Variants in NAV1 observed in about 807,000 individuals in gnomAD.
NAV1 encodes pore membrane and/or filament interacting like protein 3.
Under a neutral mutation model 175.2 loss-of-function variants are expected in NAV1, and 18 were observed. The ratio of observed to expected loss-of-function variants is 0.10; its 90% CI spans 0.07 to 0.15. NAV1 has a LOEUF of 0.15. Ranked by LOEUF, NAV1 falls within the 10% of genes least tolerant of loss-of-function variation. The pLI is 1.00. For missense variants in NAV1, 1,731 were observed against 2,436.6 expected (o/e 0.71, Z 6.10); for synonymous variants, 897 against 978.7 (o/e 0.92, Z 1.56).
At chr1:201,574,325 A>G (rs984617257) in intron 1 of NAV1, among the ~76,000 whole-genome samples, 3 of 152,230 alleles carry the variant, frequency 2.0e-5, no homozygotes, top group Non-Finnish European at 4.4e-5. Flanking sequence ...TTCTCTGGAG[A>G]GATCCAAGAT....
upstream of NAV1, among the ~76,000 whole-genome samples, chr1:201,622,472 C>T (rs1200127000): frequency 6.6e-6 from 1 of 152,098 alleles, no homozygotes; most frequent in Non-Finnish European, 1.5e-5. Flanking sequence ...GTGTGGAGGA[C>T]ATTCTAGACT....
intron 4 of NAV1, 30 bp downstream of exon 8, chr1:201,780,589 C>A: frequency 6.2e-7 from 1 of 1,613,914 alleles, no homozygotes; most frequent in Non-Finnish European, 8.5e-7. Flanking sequence ...CCCAAGCTGC[C>A]ATCTCAAGAT....
chr1:201,551,701 A>G (rs1193379506), intron 1 of NAV1, among the ~76,000 whole-genome samples: 1 of 152,068 alleles, frequency 6.6e-6, no homozygotes, highest in Non-Finnish European at 1.5e-5. Context: ...CAATTTTATC[A>G]CTTCTGCTCA....
chr1:201,765,577 TA>T lies in NAV1; in HGVS notation c.1227-14843del, dbSNP rs1675165729. ...ACCTAGCTAATTTTTTGTATTTTAGTAGAGACGGGGTTTCACCATGTTGCCC... is the reference window on the plus strand; with the variant it reads ...ACCTAGCTAATTTTTTGTATTTTAGTGAGACGGGGTTTCACCATGTTGCCC... On this transcript the variant is annotated intron_variant, in intron 3 of 29. Coordinates refer to ENST00000367296, the Ensembl canonical transcript of NAV1. Among the ~76,000 whole-genome samples, 12 of 152,078 alleles carry T rather than the reference TA, an allele frequency of 7.9e-5. 1 individual carries two copies. The Middle Eastern group carries it at 0.01, about 129-fold the overall frequency.
Position 201,812,732 on chromosome 1 carries a change from G to A in NAV1, c.5221+71G>A. The A allele has an allele frequency of 7.3e-7, 1 of 1,364,082 alleles. No individual in the cohort carries two copies. The allele number at this position is 1,364,082 out of a possible 1,614,324, so 84.5% of individuals were successfully genotyped here. ...TTTCCACTGTACCACCTGGAGGGATGCTCCCTTCTCTTCCTGGAGTCTTCG... is the reference window on the plus strand; with the variant it reads ...TTTCCACTGTACCACCTGGAGGGATACTCCCTTCTCTTCCTGGAGTCTTCG... On this transcript the variant is annotated intron_variant, in intron 27 of 29. Coordinates refer to ENST00000367296, the Ensembl canonical transcript of NAV1. This position sits in a 1 kb window ranked among gnomAD's most constrained non-coding sequence, Gnocchi z 4.6.
At position 201,660,151 on chromosome 1, in the gene NAV1, C is replaced by A. The variant is rs561704953; in HGVS notation, c.757+10726C>A. ...TCATCCTGCCCATGACTGCAGCACC[C>A]GGGAAAGAGAGTCACAACAGCAGGG... On this transcript the variant is annotated intron_variant, in intron 1 of 29. Coordinates refer to ENST00000367296, the Ensembl canonical transcript of NAV1. Among the ~76,000 whole-genome samples, 5 of 152,246 alleles carry A rather than the reference C, an allele frequency of 3.3e-5. No homozygotes were observed. The East Asian group carries it at 7.7e-4, about 24-fold the overall frequency.
chr1:201,695,125 G>A (rs1298592133), intron 1 of NAV1, among the ~76,000 whole-genome samples: 7 of 152,206 alleles, frequency 4.6e-5, no homozygotes, highest in Non-Finnish European at 1.0e-4. Context: ...AAGTTGCCCC[G>A]GGACCAGCCT....
At chr1:201,591,531 G>A (rs181029084) in intron 2 of NAV1, among the ~76,000 whole-genome samples, 1 of 152,276 alleles carries the variant, frequency 6.6e-6, no homozygotes, top group Non-Finnish European at 1.5e-5. Flanking sequence ...ATAGAAGGAG[G>A]GTGTGAGGAG....
chr1:201,688,242 T>G (rs1446506946), intron 1 of NAV1: 2 of 151,980 alleles, frequency 1.3e-5, no homozygotes, highest in African/African-American at 4.8e-5. Context: ...CTTGGTGGGG[T>G]GAGGGTGGTT....
intron 1 of NAV1, among the ~76,000 whole-genome samples, chr1:201,657,702 C>T (rs1477072823): frequency 6.6e-6 from 1 of 152,164 alleles, no homozygotes; most frequent in Non-Finnish European, 1.5e-5. Context: ...TTCTATGATC[C>T]TGGCACTTAC....
chr1:201,710,785 A>G (rs1204246704), intron 1 of NAV1, among the ~76,000 whole-genome samples: 2 of 152,228 alleles, frequency 1.3e-5, no homozygotes, highest in Non-Finnish European at 2.9e-5. Flanking sequence ...AGTAGCACAA[A>G]TCTCCCAGAA....
exon 5 of NAV1, chr1:201,781,197 G>A: frequency 1.2e-6 from 2 of 1,614,088 alleles, no homozygotes; most frequent in Non-Finnish European, 1.7e-6. Flanking sequence ...GTGGAGAACT[G>A]AAAAAGCCCA....
At chr1:201,668,774 T>C (rs558953812) in intron 1 of NAV1, among the ~76,000 whole-genome samples, 3 of 152,330 alleles carry the variant, frequency 2.0e-5, no homozygotes, top group African/African-American at 7.2e-5. Flanking sequence ...GACCCCATTG[T>C]GTGGACAGAA....
At chr1:201,793,546 C>A (rs909469521) in intron 13 of NAV1, 18 of 473,232 alleles carry the variant, frequency 3.8e-5, no homozygotes, top group Non-Finnish European at 5.8e-5. Context: ...TCTCCAGGAG[C>A]CTCTGGAAAC....
chr1:201,565,077 C>T lies in NAV1; in HGVS notation c.-143-23462C>T, dbSNP rs778346557. Among the ~76,000 whole-genome samples the T allele has an allele frequency of 3.9e-5, 6 of 152,182 alleles. No individual in the cohort carries two copies. The South Asian group carries it at 8.3e-4, about 21-fold the overall frequency. ...CTTTTGCCACTTACGGTAACAACTGCAACTTCTGAATAAAAGGGAATGGGC... is the reference window on the plus strand; with the variant it reads ...CTTTTGCCACTTACGGTAACAACTGTAACTTCTGAATAAAAGGGAATGGGC... On this transcript the variant is annotated intron_variant, in intron 1 of 33. Coordinates refer to the NAV1 transcript ENST00000685211.
chr1:201,637,910 G>C (rs1196650364), intron 2 of NAV1, among the ~76,000 whole-genome samples: 3 of 152,226 alleles, frequency 2.0e-5, no homozygotes, highest in Non-Finnish European at 4.4e-5. Flanking sequence ...GTGTGTATGG[G>C]ACAGTTGCCA....
chr1:201,790,191 C>T (rs72742032), intron 11 of NAV1, among the ~76,000 whole-genome samples: 10,108 of 152,290 alleles, frequency 0.066, 400 homozygotes, highest in South Asian at 0.11. Flanking sequence ...GCACCAGCCA[C>T]AGCATTTGGC....
intron 1 of NAV1, among the ~76,000 whole-genome samples, chr1:201,584,316 C>T (rs539142246): frequency 6.6e-6 from 1 of 152,274 alleles, no homozygotes; most frequent in Non-Finnish European, 1.5e-5. Flanking sequence ...CAAGACAGAG[C>T]TGCATATAGA....
At chr1:201,623,344 G>C (rs1004375431) in exon 1 of NAV1, 1 of 985,804 alleles carries the variant, frequency 1.0e-6, no homozygotes, top group African/African-American at 1.7e-5. Flanking sequence ...GAGCTTTCAC[G>C]GAGAAACTCA....
Sources: gnomAD v4.1 joint callset for allele counts (sites outside exome capture counted in the v4.1 genomes callset) on GRCh38, gnomAD v4.1.1 for gene constraint, Gnocchi (gnomAD v3.1) non-coding constraint, MANE v1.5 for transcripts, NCBI Gene and HGNC (gene_info 2026-07-23, HGNC 2026-07-21) for gene names.